Variants in KAZN observed in about 807,000 individuals in gnomAD.
KAZN encodes kazrin.
A neutral mutation model predicts 87.4 loss-of-function variants in KAZN; 40 were observed. The ratio of observed to expected loss-of-function variants is 0.46; its 90% confidence interval spans 0.36 to 0.60. The LOEUF is 0.60. Ranked by LOEUF, KAZN falls within the 20% of genes least tolerant of loss-of-function variation. The pLI is 0.00. For missense variants in KAZN, 898 were observed against 1,073.9 expected (o/e 0.84, Z 2.29); for synonymous variants, 466 against 458.3 (o/e 1.02, Z -0.22).
intron 2 of KAZN, among the ~76,000 whole-genome samples, chr1:14,320,702 A>C (rs1655987115): frequency 6.6e-6 from 1 of 152,232 alleles, no homozygotes; most frequent in South Asian, 2.1e-4. Flanking sequence ...TTGCATTTAA[A>C]TACAGTGACT....
chr1:14,944,936 G>A (rs577620650), intron 1 of KAZN, among the ~76,000 whole-genome samples: 182 of 152,294 alleles, frequency 1.2e-3, no homozygotes, highest in Non-Finnish European at 2.2e-3. Flanking sequence ...GCTTCCTTCC[G>A]AGTTACATTC....
chr1:13,926,209 C>T (rs1640271066), intron 1 of KAZN, among the ~76,000 whole-genome samples: 2 of 152,118 alleles, frequency 1.3e-5, no homozygotes, highest in Admixed American at 1.3e-4. Context: ...CTTCCCTATG[C>T]CCTGGCTCAC....
At position 14,488,860 on chromosome 1, in the gene KAZN, A is replaced by C. The variant is rs74059542; in HGVS notation, c.250-110123A>C. 1.7e-3 allele frequency among the ~76,000 whole-genome samples: 266 copies of C among 152,218 alleles called. 2 individuals are homozygous for C. Among genetic ancestry groups the C allele is most frequent in the African/African-American group, 6.1e-3 (255 of 41,526 alleles). ...GTGCGCCATGTTTTCTGGCTTTCCA[A>C]TTTGGGGTCCATCTATTTTGACTTG... On this transcript the variant is annotated intron_variant, in intron 2 of 16. Transcript: ENST00000636203.
upstream of KAZN, among the ~76,000 whole-genome samples, chr1:14,597,169 T>C (rs1291722029): frequency 6.6e-6 from 1 of 152,194 alleles, no homozygotes; most frequent in Non-Finnish European, 1.5e-5. Flanking sequence ...TTGGTCCAGT[T>C]GGTAAGAACT....
At chr1:14,423,082 G>A (rs1204131037) in intron 2 of KAZN, among the ~76,000 whole-genome samples, 5 of 152,188 alleles carry the variant, frequency 3.3e-5, no homozygotes, top group Non-Finnish European at 7.3e-5. Flanking sequence ...CAACTTGTTG[G>A]AAGATCCGAA....
rs550257522 is a variant in KAZN, at chr1:15,090,354, G to A, written c.1223-3826G>A. 8.5e-4 allele frequency among the ~76,000 whole-genome samples: 129 copies of A among 152,316 alleles called. 3 individuals carry two copies. The South Asian group carries it at 0.026, about 30-fold the overall frequency. ...AAGCCAGCCAGGCTGGAGGCCTCCC[G>A]GGGGCTCTCAGCTCTTTCCCATCCA... On this transcript the variant is annotated intron_variant, in intron 8 of 14. Coordinates refer to ENST00000376030, the MANE Select transcript of KAZN (RefSeq NM_201628.3).
chr1:14,365,343 CGGCGCCCACCCCCTCCCCCCGGGGTG>C (rs996067176), intron 2 of KAZN, among the ~76,000 whole-genome samples: 2 of 141,760 alleles, frequency 1.4e-5, no homozygotes, highest in African/African-American at 5.3e-5. Context: ...CACCGCGCCC[CGGCGCCCACCCCCTCCCCCCGGGGTG>C]GGGGGGGGGG....
intron 2 of KAZN, among the ~76,000 whole-genome samples, chr1:14,475,477 A>G (rs942221696): frequency 6.6e-6 from 1 of 152,196 alleles, no homozygotes. Flanking sequence ...ATCGATTTGC[A>G]ACTTTCAAGT....
In KAZN at chr1:15,096,662, G is replaced by A. The variant is rs1640819262; in HGVS notation, c.1547+1729G>A. Among the ~76,000 whole-genome samples the A allele has an allele frequency of 6.6e-6, 1 of 152,212 alleles. No homozygotes were observed. Among genetic ancestry groups the A allele is most frequent in the Non-Finnish European group, 1.5e-5 (1 of 68,036 alleles). The stretch of plus-strand genomic sequence containing the variant: ...GGGATGCCAGCATGGTTGGGACCTG[G>A]GGAGGGCTCTCTTCCTGGCTTGCAG... On this transcript the variant is annotated intron_variant, in intron 10 of 14. Coordinates refer to ENST00000376030, the MANE Select transcript of KAZN (RefSeq NM_201628.3). The surrounding 1 kb of genome is among the most constrained non-coding windows in gnomAD (Gnocchi z 4.5).
intron 2 of KAZN, among the ~76,000 whole-genome samples, chr1:14,508,225 G>A (rs927881653): frequency 2.6e-5 from 4 of 152,160 alleles, no homozygotes; most frequent in African/African-American, 9.7e-5. Flanking sequence ...AAGCCATCAG[G>A]CTGGACTAGA....
At chr1:14,826,642 C>G (rs1041086944) in intron 1 of KAZN, among the ~76,000 whole-genome samples, 2 of 152,160 alleles carry the variant, frequency 1.3e-5, no homozygotes, top group Non-Finnish European at 2.9e-5. Flanking sequence ...CACATGCATG[C>G]CCCCACTGAG....
At chr1:14,704,556 C>T (rs1642104956) in intron 1 of KAZN, among the ~76,000 whole-genome samples, 1 of 152,180 alleles carries the variant, frequency 6.6e-6, no homozygotes, top group African/African-American at 2.4e-5. Context: ...TCAGGGATGA[C>T]CTGTCAGGCC....
At chr1:14,483,280 G>A (rs1036769385) in intron 2 of KAZN, among the ~76,000 whole-genome samples, 1 of 152,088 alleles carries the variant, frequency 6.6e-6, no homozygotes, top group Admixed American at 6.6e-5. Context: ...ATAGAGAATG[G>A]GGCCCTCCTC....
intron 1 of KAZN, among the ~76,000 whole-genome samples, chr1:14,068,940 A>G (rs1489081035): frequency 1.3e-5 from 2 of 152,026 alleles, no homozygotes; most frequent in Admixed American, 1.3e-4. Context: ...CTGGGACTAC[A>G]GGCACGTGCC....
chr1:14,911,656 T>C (rs1657265053), intron 1 of KAZN, among the ~76,000 whole-genome samples: 1 of 152,142 alleles, frequency 6.6e-6, no homozygotes, highest in African/African-American at 2.4e-5. Flanking sequence ...TCTGGAACGG[T>C]TCCCTAGCTA....
At chr1:14,019,123 T>C (rs1477534644) in intron 1 of KAZN, among the ~76,000 whole-genome samples, 2 of 152,236 alleles carry the variant, frequency 1.3e-5, no homozygotes, top group East Asian at 3.8e-4. Flanking sequence ...CAAGAGAAAC[T>C]TAATTCTTCC....
chr1:14,697,028 C>T (rs550662104), intron 1 of KAZN, among the ~76,000 whole-genome samples: 269 of 151,706 alleles, frequency 1.8e-3, no homozygotes, highest in Admixed American at 3.2e-3. Flanking sequence ...CAGTGGCACA[C>T]GGCTGTAACC....
Position 14,724,412 on chromosome 1 carries a change from G to A in KAZN, c.226+125189G>A, listed in dbSNP as rs117865913. On this transcript the variant is annotated intron_variant, in intron 1 of 14. Coordinates refer to ENST00000376030, the MANE Select transcript of KAZN (RefSeq NM_201628.3). ...GATTAGAGTCCCCTTGCACTGTGGG[G>A]CTTTCTCTAAACCACCTTTTTTGTG... is the stretch of plus-strand genomic sequence containing the variant. 4.2e-3 allele frequency among the ~76,000 whole-genome samples: 632 copies of A among 152,264 alleles called. 20 individuals are homozygous for A. In the East Asian group the frequency reaches 0.061, roughly 15 times the overall value.
intron 1 of KAZN, among the ~76,000 whole-genome samples, chr1:14,719,805 C>T (rs760468351): frequency 4.6e-5 from 7 of 152,174 alleles, no homozygotes; most frequent in Admixed American, 2.0e-4. Context: ...CGCCATTGCA[C>T]TCCAGCCTAG....
Sources: allele counts gnomAD v4.1 joint callset (sites outside exome capture counted in the v4.1 genomes callset), GRCh38; gene constraint gnomAD v4.1.1; non-coding constraint Gnocchi (gnomAD v3.1); transcripts MANE v1.5; gene names NCBI Gene and HGNC (gene_info 2026-07-23, HGNC 2026-07-21).